PALB2: variants seen among roughly 807,000 people sequenced by gnomAD.
PALB2 encodes the protein mutant partner and localizer of BRCA2.
In PALB2, 82 loss-of-function variants were observed where a neutral mutation model predicts 107.4. The observed-to-expected ratio is 0.76, with a 90% confidence interval of 0.64 to 0.92. The LOEUF is 0.92. Among genes scored for constraint, PALB2 ranks in the 40% least tolerant of loss-of-function variants. The pLI is 0.00. For missense variants in PALB2, 1,374 were observed against 1,379.9 expected, an observed-to-expected ratio of 1.00 and a Z score of 0.07; for synonymous variants, 489 against 496.8, an observed-to-expected ratio of 0.98 and a Z score of 0.21.
At position 23,629,673 on chromosome 16, in the gene PALB2, T is replaced by G. The variant is rs876658885; in HGVS notation, c.2481A>C (p.Thr827=). 1.9e-6 allele frequency: 3 copies of G among 1,614,206 alleles called. No individual in the cohort carries two copies. The highest frequency in any genetic ancestry group is 8.5e-7 in the Non-Finnish European group (1 of 1,180,034). The change falls in exon 5 of 13, where the codon ACA becomes ACC. Residue 827 remains threonine (T), a synonymous_variant. Coordinates refer to ENST00000261584, the MANE Select transcript of PALB2 (RefSeq NM_024675.4). ...CGGAATGTTTATGCAGCTCCTGGCA[T>G]GTGTTTCTACAGAGCTGATTTTCTT... ...TFKENQLCRN[T]CQELHKHSVE...
At chr16:23,617,173 G>A (rs1041987011) in intron 10 of PALB2, among the ~76,000 whole-genome samples, 1 of 152,062 alleles carries the variant, frequency 6.6e-6, no homozygotes, top group African/African-American at 2.4e-5. Context: ...CTTGACACTT[G>A]AGTATAACAT....
At chr16:23,611,125 A>ATCTATCTATCT (rs1567208519) in intron 11 of PALB2, among the ~76,000 whole-genome samples, 2 of 117,486 alleles carry the variant, frequency 1.7e-5, no homozygotes, top group African/African-American at 6.3e-5. Context: ...TCTATCTATC[A>ATCTATCTATCT]ATCTATCTAT....
At chr16:23,606,885 G>C (rs538663748) in intron 12 of PALB2, among the ~76,000 whole-genome samples, 1 of 137,214 alleles carries the variant, frequency 7.3e-6, no homozygotes, top group East Asian at 2.2e-4. Context: ...GCAGTGGCAC[G>C]ATCTCGGCTC....
chr16:23,606,821 C>CTTTTTTTTTTTT (rs545664784), intron 12 of PALB2, among the ~76,000 whole-genome samples: 2 of 108,592 alleles, frequency 1.8e-5, no homozygotes, highest in Non-Finnish European at 1.8e-5. Flanking sequence ...CTGCACCCTG[C>CTTTTTTTTTTTT]TTTTTTTTTT....
rs878855114 is a variant in PALB2 at position 23,636,258 on chromosome 16, T to G, written c.288A>C (p.Thr96=). 3 of 1,613,994 alleles carry G rather than the reference T, an allele frequency of 1.9e-6. No individual in the cohort carries two copies. Among genetic ancestry groups the G allele is most frequent in the Non-Finnish European group, 8.5e-7 (1 of 1,179,966 alleles). The part of the protein sequence containing the change: ...THLDEETGEK[T]SITLDVGPES... ...CAGGCCCAACATCAAGTGTGATAGATGTCTTTTCTCCAGTTTCTTCATCAA... is the reference window on the plus strand; with the variant it reads ...CAGGCCCAACATCAAGTGTGATAGAGGTCTTTTCTCCAGTTTCTTCATCAA... Residue 96 remains threonine (T), a synonymous_variant, in exon 4 of 13, where the codon ACA becomes ACC. Coordinates refer to ENST00000261584, the MANE Select transcript of PALB2 (RefSeq NM_024675.4).
In PALB2 at chr16:23,626,307, C is replaced by A. The variant is rs765077104; in HGVS notation, c.2677G>T (p.Asp893Tyr). The change falls in exon 7 of 13, where the codon GAT becomes TAT. Residue 893 changes from aspartate to tyrosine, a missense_variant. Transcript: ENST00000261584. ...KEPCIITACE[D>Y]VVSLWKALDA... ...AGAGCTTTCCAAAGAGAAACTACAT[C>A]TTCGCAAGCAGTTATGATACATGGC... The A allele has an allele frequency of 1.9e-6, 3 of 1,614,188 alleles. No homozygotes were observed. Among genetic ancestry groups the A allele is most frequent in the Admixed American group, 3.3e-5 (2 of 60,016 alleles).
At chr16:23,631,279 CAAAAAAAAAAAA>C (rs1157091932) in intron 4 of PALB2, among the ~76,000 whole-genome samples, 4 of 23,646 alleles carry the variant, frequency 1.7e-4, no homozygotes, top group Non-Finnish European at 3.3e-4. Context: ...GACTCTGTCT[CAAAAAAAAAAAA>C]AAAAAAAAAA....
intron 10 of PALB2, chr16:23,617,476 T>A (rs1966703242): frequency 6.6e-6 from 1 of 151,852 alleles, no homozygotes; most frequent in South Asian, 2.1e-4. Context: ...TCCCAGCACT[T>A]TGGGAGGCTG....
rs1282821765 is a variant in PALB2 at position 23,603,626 on chromosome 16, A to G, written c.3394T>C (p.Leu1132=). 8 of 1,614,056 alleles carry G rather than the reference A, an allele frequency of 5.0e-6. No homozygotes were observed. Among genetic ancestry groups the G allele is most frequent in the Non-Finnish European group, 6.8e-6 (8 of 1,180,036 alleles). Reference sequence around the variant, plus strand: ...CAAATGGCAATTGTTCCAGAAGTCAAGATTGCTGCTGCACAGTGATCTTTC... The same window carrying G: ...CAAATGGCAATTGTTCCAGAAGTCAGGATTGCTGCTGCACAGTGATCTTTC... ...DVKDHCAAAI[L]TSGTIAIWDL... is the part of the protein sequence containing the mutation. The change falls in exon 13 of 13, where the codon TTG becomes CTG. Residue 1132 remains leucine, a synonymous_variant. Transcript: ENST00000261584.
chr16:23,611,153 CTTTTG>C (rs886944919), intron 11 of PALB2, among the ~76,000 whole-genome samples: 1 of 150,824 alleles, frequency 6.6e-6, no homozygotes, highest in Non-Finnish European at 1.5e-5. Flanking sequence ...TGTTGTTGTT[CTTTTG>C]TTTTGAGACA....
In PALB2 at chr16:23,637,868, G is replaced by C. The variant is rs1229828972; in HGVS notation, c.193C>G (p.Pro65Ala). 6.2e-7 allele frequency: 1 copy of C among 1,612,872 alleles called. No homozygotes were observed. Among genetic ancestry groups the C allele is most frequent in the Admixed American group, 1.7e-5 (1 of 60,020 alleles). ...GATTTACCTGAGTGTTTTAGCTGCG[G>C]TGAGAGATCCTGCTGAGACAAACAA... Reference protein sequence around the residue: ...QDCLSQQDLSPQLKHSEPKNK... With the variant: ...QDCLSQQDLSAQLKHSEPKNK... Residue 65 changes from proline (P) to alanine (A), a missense_variant, in exon 3 of 13, where the codon CCG (proline) becomes GCG (alanine). By Grantham distance (27) the Pro-to-Ala change is conservative (BLOSUM62 -1). Transcript: ENST00000261584.
rs1555461358 is a variant in PALB2, at chr16:23,635,258, G to C, written c.1288C>G (p.Gln430Glu). 1 of 1,613,968 alleles carries C rather than the reference G, an allele frequency of 6.2e-7. No homozygotes were observed. The highest frequency in any genetic ancestry group is 1.1e-5 in the South Asian group (1 of 91,082). Residue 430 changes from glutamine (Q) to glutamate (E), a missense_variant, in exon 4 of 13, where the codon CAG (glutamine) becomes GAG (glutamate). Transcript: ENST00000261584. ...QRKVAVEAVI[Q>E]SHLDVKKKGF... ...TTTTTCTTGACATCCAAATGACTCT[G>C]AATGACAGCCTCCACGGCTACTTTC... is the stretch of plus-strand genomic sequence containing the variant.
intron 3 of PALB2, among the ~76,000 whole-genome samples, chr16:23,637,387 G>T (rs1259374834): frequency 6.6e-6 from 1 of 151,920 alleles, no homozygotes; most frequent in African/African-American, 2.4e-5. Context: ...TAGATTTTAC[G>T]GCATATGAAT....
At chr16:23,612,847 G>A (rs564055121) in intron 11 of PALB2, among the ~76,000 whole-genome samples, 4 of 152,120 alleles carry the variant, frequency 2.6e-5, no homozygotes, top group African/African-American at 9.6e-5. Flanking sequence ...CCGCCTCCTG[G>A]GTTCAAGCAA....
rs786201408 is a variant in PALB2 at position 23,635,703 on chromosome 16, A to T, written c.843T>A (p.Ile281=). 2 of 1,614,038 alleles carry T rather than the reference A, an allele frequency of 1.2e-6. No individual in the cohort carries two copies. The highest frequency in any genetic ancestry group is 1.7e-6 in the Non-Finnish European group (2 of 1,180,024). ...CCAAACTTACAGGTGAAGTAAATCT[A>T]ATGTTTTTTAGGTCGTGAGTAGTAA... is the stretch of plus-strand genomic sequence containing the variant. The part of the protein sequence containing the change: ...SELTTHDLKN[I]RFTSPVSLEA... The change falls in exon 4 of 13, where the codon ATT becomes ATA. Residue 281 remains isoleucine (I), a synonymous_variant. Transcript: ENST00000261584.
intron 11 of PALB2, among the ~76,000 whole-genome samples, chr16:23,610,309 CTTTTTTT>C (rs200742073): frequency 3.0e-5 from 4 of 133,736 alleles, no homozygotes; most frequent in Non-Finnish European, 6.5e-5. Flanking sequence ...AATGTTATTT[CTTTTTTT>C]TTTTTTTTTT....
rs1967100410 is a variant in PALB2 at position 23,637,877 on chromosome 16, C to A, written c.184G>T (p.Asp62Tyr). The stretch of plus-strand genomic sequence containing the variant: ...GAGTGTTTTAGCTGCGGTGAGAGAT[C>A]CTGCTGAGACAAACAATCTTGTTCT... Reference protein sequence around the residue: ...VEEQDCLSQQDLSPQLKHSEP... With the variant: ...VEEQDCLSQQYLSPQLKHSEP... Residue 62 changes from aspartate to tyrosine, a missense_variant, in exon 3 of 13, where the codon GAT (aspartate) becomes TAT (tyrosine). Transcript: ENST00000261584. 2 of 1,613,762 alleles carry A rather than the reference C, an allele frequency of 1.2e-6. No individual in the cohort carries two copies. Among genetic ancestry groups the A allele is most frequent in the South Asian group, 1.1e-5 (1 of 91,072 alleles).
intron 7 of PALB2, among the ~76,000 whole-genome samples, chr16:23,625,035 G>A (rs1966839271): frequency 6.6e-6 from 1 of 152,032 alleles, no homozygotes; most frequent in African/African-American, 2.4e-5. Flanking sequence ...CAGGTCTAGT[G>A]TAAAAACCCG....
intron 10 of PALB2, among the ~76,000 whole-genome samples, chr16:23,618,590 C>T (rs1431036508): frequency 6.6e-6 from 1 of 151,556 alleles, no homozygotes; most frequent in African/African-American, 2.4e-5. Flanking sequence ...AAATGACCTG[C>T]GTTTGAGCCC....
Sources: allele counts gnomAD v4.1 joint callset (sites outside exome capture counted in the v4.1 genomes callset), GRCh38; gene constraint gnomAD v4.1.1; transcripts MANE v1.5; gene names NCBI Gene and HGNC (gene_info 2026-07-23, HGNC 2026-07-21).